LGR6: variants seen among roughly 807,000 people sequenced by gnomAD.
LGR6 encodes leucine-rich repeat-containing G protein-coupled receptor 6.
Under a neutral mutation model 69.4 loss-of-function variants are expected in LGR6, and 45 were observed. The ratio of observed to expected loss-of-function variants is 0.65; its 90% CI spans 0.51 to 0.83. LGR6 has a LOEUF of 0.83. Among genes scored for constraint, LGR6 ranks in the 40% least tolerant of loss-of-function variants. LGR6 has a pLI of 0.00. For missense variants in LGR6, 1,108 were observed against 1,246.7 expected, an observed-to-expected ratio of 0.89 and a Z score of 1.68; for synonymous variants, 538 against 555.0, an observed-to-expected ratio of 0.97 and a Z score of 0.43.
intron 1 of LGR6, among the ~76,000 whole-genome samples, chr1:202,198,291 T>TTACATA (rs1658712876): frequency 6.6e-6 from 1 of 152,220 alleles, no homozygotes; most frequent in Non-Finnish European, 1.5e-5. Context: ...TTACTAACTA[T>TTACATA]GTAACCCCCA....
Position 202,318,783 on chromosome 1 carries a change from A to T in LGR6, c.2480A>T (p.Tyr827Phe). Residue 827 changes from tyrosine to phenylalanine, a missense_variant, in exon 18 of 18, where the codon TAC becomes TTC. Physicochemically the swap from Tyr to Phe is conservative, Grantham distance 22. Coordinates refer to ENST00000367278, the MANE Select transcript of LGR6 (RefSeq NM_001017403.2). ...CCTGCCTGCCTCAACCCACTGCTGTACCTGCTCTTCAACCCCCACTTCCGG... is the reference window on the plus strand; with the variant it reads ...CCTGCCTGCCTCAACCCACTGCTGTTCCTGCTCTTCAACCCCCACTTCCGG... ...PLPACLNPLL[Y>F]LLFNPHFRDD... 4 of 1,613,620 alleles carry T rather than the reference A, an allele frequency of 2.5e-6. No homozygotes were observed. The highest frequency in any genetic ancestry group is 3.4e-6 in the Non-Finnish European group (4 of 1,179,966).
chr1:202,310,597 T>C (rs1484399212), intron 16 of LGR6, among the ~76,000 whole-genome samples: 1 of 152,144 alleles, frequency 6.6e-6, no homozygotes, highest in Admixed American at 6.5e-5. Context: ...GCTGTGGCAA[T>C]GTCTCATCTG....
chr1:202,295,028 G>A (rs1388905161), intron 6 of LGR6, among the ~76,000 whole-genome samples: 3 of 152,118 alleles, frequency 2.0e-5, no homozygotes, highest in Admixed American at 6.5e-5. Context: ...AGATAATAAT[G>A]CAATATTAAG....
At chr1:202,239,260 C>T (rs1661933368) in intron 4 of LGR6, among the ~76,000 whole-genome samples, 1 of 151,936 alleles carries the variant, frequency 6.6e-6, no homozygotes, top group African/African-American at 2.4e-5. Flanking sequence ...AGCTTTCAGG[C>T]CCCGGGGACA....
At chr1:202,275,168 G>T (rs1665442206) in intron 4 of LGR6, among the ~76,000 whole-genome samples, 1 of 152,192 alleles carries the variant, frequency 6.6e-6, no homozygotes, top group African/African-American at 2.4e-5. Context: ...TAGGGCCTTT[G>T]TGGGTAAGGC....
At chr1:202,264,360 A>G (rs992390157) in intron 4 of LGR6, among the ~76,000 whole-genome samples, 10 of 152,196 alleles carry the variant, frequency 6.6e-5, no homozygotes, top group African/African-American at 2.4e-4. Flanking sequence ...ACTCTGGGAT[A>G]TCACTTCTAT....
chr1:202,293,980 A>G (rs1178312792), intron 6 of LGR6, among the ~76,000 whole-genome samples: 1 of 152,218 alleles, frequency 6.6e-6, no homozygotes, highest in Non-Finnish European at 1.5e-5. Flanking sequence ...ATAAGGACTC[A>G]ATGATAGCAA....
Position 202,280,904 on chromosome 1 carries a change from G to A in LGR6, c.716+52G>A, listed in dbSNP as rs371296773. The A allele has an allele frequency of 9.8e-4, 1,469 of 1,503,148 alleles. 1 individual carries two copies. The highest frequency in any genetic ancestry group is 1.2e-3 in the Non-Finnish European group (1,354 of 1,089,628). The allele number at this position is 1,503,148 out of a possible 1,614,324, so 93.1% of individuals were successfully genotyped here. On this transcript the variant is annotated intron_variant, in intron 6 of 17. Coordinates refer to ENST00000367278, the MANE Select transcript of LGR6 (RefSeq NM_001017403.2). ...CTGTCCTGCCTGGTGATGAAAGCCT[G>A]GAGTCTTGGAGTGGAGGGAGCACAC...
Position 202,237,102 on chromosome 1 carries a change from G to T in LGR6, c.428+1109G>T, listed in dbSNP as rs111873895. ...GTGCCCTCTACCCTCCTGCCTCTGTGTCTGGTCCCTGGCACCCCTCAGCTG... is the reference window on the plus strand; with the variant it reads ...GTGCCCTCTACCCTCCTGCCTCTGTTTCTGGTCCCTGGCACCCCTCAGCTG... On this transcript the variant is annotated intron_variant, in intron 4 of 17. Coordinates refer to ENST00000367278, the MANE Select transcript of LGR6 (RefSeq NM_001017403.2). Among the ~76,000 whole-genome samples the T allele has an allele frequency of 2.6e-3, 398 of 152,280 alleles. 1 individual carries two copies. The highest frequency in any genetic ancestry group is 4.4e-3 in the Non-Finnish European group (298 of 68,020).
intron 2 of LGR6, among the ~76,000 whole-genome samples, chr1:202,226,729 A>C (rs1660581900): frequency 6.6e-6 from 1 of 152,160 alleles, no homozygotes; most frequent in African/African-American, 2.4e-5. Context: ...TCAGCAGGGG[A>C]GTGTGGCAGC....
At chr1:202,310,423 C>G in intron 16 of LGR6, 66 bp downstream of exon 16, 1 of 1,480,676 alleles carries the variant, frequency 6.8e-7, no homozygotes, top group Non-Finnish European at 9.2e-7. Flanking sequence ...AGAGGGGATG[C>G]TTGGGGGACC....
At chr1:202,310,813 T>G (rs549060843) in intron 16 of LGR6, among the ~76,000 whole-genome samples, 1 of 152,174 alleles carries the variant, frequency 6.6e-6, no homozygotes, top group South Asian at 2.1e-4. Flanking sequence ...TCATAATATG[T>G]CCTAGAACCA....
intron 6 of LGR6, among the ~76,000 whole-genome samples, chr1:202,282,833 C>A (rs184268272): frequency 6.6e-6 from 1 of 152,228 alleles, no homozygotes; most frequent in Admixed American, 6.5e-5. Context: ...GCAATCCTGC[C>A]GCTAAGCGCC....
At chr1:202,206,682 C>G (rs910502335) in intron 1 of LGR6, among the ~76,000 whole-genome samples, 1 of 151,688 alleles carries the variant, frequency 6.6e-6, no homozygotes, top group East Asian at 1.9e-4. Flanking sequence ...CCTGAGTAGC[C>G]GAGACTACAG....
chr1:202,262,814 A>G (rs1231304444), intron 4 of LGR6, among the ~76,000 whole-genome samples: 2 of 152,132 alleles, frequency 1.3e-5, no homozygotes, highest in African/African-American at 4.8e-5. Context: ...TTGCTGGGCC[A>G]GGTCTACTCA....
intron 6 of LGR6, among the ~76,000 whole-genome samples, chr1:202,287,659 A>G (rs1666490439): frequency 6.6e-6 from 1 of 151,936 alleles, no homozygotes. Flanking sequence ...TGGCAGCTTT[A>G]CTCCTGCAGT....
At chr1:202,195,170 G>A (rs1363636637) in intron 1 of LGR6, among the ~76,000 whole-genome samples, 1 of 53,534 alleles carries the variant, frequency 1.9e-5, no homozygotes, top group Non-Finnish European at 4.8e-5. Context: ...GAGCAGGTGG[G>A]AAAGCCTGGT....
intron 1 of LGR6, among the ~76,000 whole-genome samples, chr1:202,194,879 G>A (rs562557588): frequency 6.6e-6 from 1 of 152,166 alleles, no homozygotes; most frequent in African/African-American, 2.4e-5. Context: ...GTGGGCAGGC[G>A]CCGAGGCTGA....
rs765119604 is a variant in LGR6 at position 202,228,021 on chromosome 1, C to T, written c.356+14C>T. ...CCTGAAAATCCTGTAAGTATAGGTA[C>T]ACCTCATTTTACATAGAGCTGCAGC... On this transcript the variant is annotated intron_variant, in intron 3 of 17. Transcript: ENST00000367278. 6.3e-7 allele frequency: 1 copy of T among 1,586,334 alleles called. No homozygotes were observed. Among genetic ancestry groups the T allele is most frequent in the African/African-American group, 1.3e-5 (1 of 74,352 alleles).
Sources: gnomAD v4.1 joint callset for allele counts (sites outside exome capture counted in the v4.1 genomes callset) on GRCh38, gnomAD v4.1.1 for gene constraint, MANE v1.5 for transcripts, NCBI Gene and HGNC (gene_info 2026-07-23, HGNC 2026-07-21) for gene names.